Variants in ITPR1 observed in about 807,000 individuals in gnomAD.
ITPR1 encodes the protein inositol 1,4,5-trisphosphate receptor type 1.
A neutral mutation model predicts 318.4 loss-of-function variants in ITPR1; 96 were observed. That is an observed-to-expected ratio of 0.30 (90% CI 0.26 to 0.36). ITPR1 has a LOEUF of 0.36. Among genes scored for constraint, ITPR1 ranks in the 10% least tolerant of loss-of-function variants. The pLI is 1.00. For synonymous variants in ITPR1, 1,312 were observed against 1,289.9 expected (o/e 1.02, Z -0.37); for missense variants, 2,440 against 3,460.2 (o/e 0.71, Z 7.40).
intron 4 of ITPR1, among the ~76,000 whole-genome samples, chr3:4,625,219 CT>C (rs200304497): frequency 0.044 from 5,878 of 134,138 alleles, 290 homozygotes; most frequent in African/African-American, 0.14. Context: ...ATTAAGTGAT[CT>C]TTTTTTTTTT....
chr3:4,822,414 T>C (rs567528275), intron 60 of ITPR1, among the ~76,000 whole-genome samples: 1 of 152,288 alleles, frequency 6.6e-6, no homozygotes, highest in African/African-American at 2.4e-5. Flanking sequence ...CTCTGGAAAA[T>C]CCCTGTGTCT....
chr3:4,732,524 C>T (rs1219770664), intron 42 of ITPR1, among the ~76,000 whole-genome samples: 2 of 152,048 alleles, frequency 1.3e-5, no homozygotes, highest in African/African-American at 4.8e-5. Flanking sequence ...ACTCATGCCA[C>T]TAATTTATTT....
intron 56 of ITPR1, 72 bp downstream of exon 56, chr3:4,811,532 T>A: frequency 2.4e-6 from 3 of 1,271,308 alleles, no homozygotes; most frequent in Non-Finnish European, 3.4e-6. Flanking sequence ...CTAAAGAAAA[T>A]AACGACTTTA....
chr3:4,784,548 A>G (rs1245435295), intron 51 of ITPR1, among the ~76,000 whole-genome samples: 1 of 150,862 alleles, frequency 6.6e-6, no homozygotes, highest in East Asian at 1.9e-4. Context: ...GGGCATTACA[A>G]TCAGATCTGT....
chr3:4,642,577 T>C (rs1487880632), intron 7 of ITPR1, among the ~76,000 whole-genome samples: 1 of 152,184 alleles, frequency 6.6e-6, no homozygotes, highest in Non-Finnish European at 1.5e-5. Flanking sequence ...ATTAGTGGAA[T>C]AGAAATATCT....
chr3:4,623,024 T>C (rs1195341442), intron 4 of ITPR1, among the ~76,000 whole-genome samples: 2 of 152,206 alleles, frequency 1.3e-5, no homozygotes, highest in African/African-American at 4.8e-5. Context: ...ATTCTTTTAC[T>C]TGGTCACTGA....
intron 44 of ITPR1, among the ~76,000 whole-genome samples, chr3:4,756,574 G>A (rs537125999): frequency 2.6e-5 from 4 of 151,996 alleles, no homozygotes; most frequent in South Asian, 4.2e-4. Context: ...ACGCCAGAAC[G>A]TGCAGTATTT....
intron 2 of ITPR1, among the ~76,000 whole-genome samples, chr3:4,512,971 T>C (rs1575366939): frequency 6.6e-6 from 1 of 152,152 alleles, no homozygotes. Context: ...CCTCGGTGTC[T>C]GTAAGTGTTT....
intron 42 of ITPR1, among the ~76,000 whole-genome samples, chr3:4,728,126 G>T (rs1308246485): frequency 6.6e-6 from 1 of 152,258 alleles, no homozygotes; most frequent in East Asian, 1.9e-4. Flanking sequence ...GAATGAATGT[G>T]TGCATCTTTG....
chr3:4,504,908 T>C (rs993475618), intron 2 of ITPR1, among the ~76,000 whole-genome samples: 3 of 152,198 alleles, frequency 2.0e-5, no homozygotes. Context: ...TTCCTTGGCC[T>C]CTTGCCAGGA....
At chr3:4,617,373 G>T (rs1231293365) in intron 4 of ITPR1, among the ~76,000 whole-genome samples, 1 of 152,070 alleles carries the variant, frequency 6.6e-6, no homozygotes, top group African/African-American at 2.4e-5. Flanking sequence ...TCTCAAGATG[G>T]TATTTCAAAT....
intron 4 of ITPR1, among the ~76,000 whole-genome samples, chr3:4,542,210 G>T (rs2084521693): frequency 6.6e-6 from 1 of 152,084 alleles, no homozygotes; most frequent in Admixed American, 6.5e-5. Flanking sequence ...ATTACAGTAG[G>T]TGCTATCTCT....
chr3:4,689,742 G>C (rs1240992424), intron 31 of ITPR1, among the ~76,000 whole-genome samples: 4 of 152,190 alleles, frequency 2.6e-5, no homozygotes, highest in Non-Finnish European at 5.9e-5. Flanking sequence ...GGTAACATGA[G>C]AATCTTCATG....
intron 45 of ITPR1, 32 bp from the exon 46 acceptor site, chr3:4,768,479 G>A: frequency 6.3e-7 from 1 of 1,576,890 alleles, no homozygotes; most frequent in South Asian, 1.2e-5. Context: ...TGAGGACTCT[G>A]CAGCCTTTCA....
At chr3:4,635,304 G>C (rs1034250434) in intron 5 of ITPR1, among the ~76,000 whole-genome samples, 1 of 152,208 alleles carries the variant, frequency 6.6e-6, no homozygotes, top group Non-Finnish European at 1.5e-5. Flanking sequence ...GTATCCTTTA[G>C]AAAGGTGCTA....
chr3:4,584,924 G>T (rs992231033), intron 4 of ITPR1, among the ~76,000 whole-genome samples: 9 of 152,198 alleles, frequency 5.9e-5, no homozygotes, highest in African/African-American at 2.2e-4. Context: ...AATCGACTGG[G>T]TGGAGGGAGT....
intron 34 of ITPR1, among the ~76,000 whole-genome samples, chr3:4,698,359 G>T (rs556431332): frequency 6.6e-6 from 1 of 152,112 alleles, no homozygotes; most frequent in Non-Finnish European, 1.5e-5. Context: ...ATTTGGTCAG[G>T]TGTTGGTTTC....
At chr3:4,622,743 A>C (rs1041570822) in intron 4 of ITPR1, among the ~76,000 whole-genome samples, 1 of 152,168 alleles carries the variant, frequency 6.6e-6, no homozygotes, top group African/African-American at 2.4e-5. Flanking sequence ...AATTGAATCC[A>C]AGAATGAACA....
intron 4 of ITPR1, among the ~76,000 whole-genome samples, chr3:4,594,286 T>A (rs1031247877): frequency 2.6e-5 from 4 of 152,194 alleles, no homozygotes; most frequent in Non-Finnish European, 4.4e-5. Context: ...GAAGTCATCC[T>A]CCTTAGAACT....
Sources: allele counts gnomAD v4.1 joint callset (sites outside exome capture counted in the v4.1 genomes callset), GRCh38; gene constraint gnomAD v4.1.1; transcripts MANE v1.5; gene names NCBI Gene and HGNC (gene_info 2026-07-23, HGNC 2026-07-21).